Variants in SGCZ observed in about 807,000 individuals in gnomAD.
SGCZ encodes zeta-sarcoglycan.
Under a neutral mutation model 41.3 loss-of-function variants are expected in SGCZ, and 40 were observed. The observed-to-expected ratio is 0.97, with a 90% CI of 0.75 to 1.26. The LOEUF is 1.26. Ranked by LOEUF, SGCZ falls within the 50% of genes most tolerant of loss-of-function variation. The probability of loss-of-function intolerance (pLI) is 0.00; values close to 1 mark genes in which losing one functional copy is unlikely to be tolerated. For missense variants in SGCZ, 552 were observed against 369.8 expected (o/e 1.49, Z -4.04); for synonymous variants, 206 against 137.5 (o/e 1.50, Z -3.49).
chr8:14,445,668 C>T lies in SGCZ; in HGVS notation c.234+109064G>A, dbSNP rs148856627. 2.4e-3 allele frequency among the ~76,000 whole-genome samples: 369 copies of T among 152,270 alleles called. 4 individuals are homozygous for T. The highest frequency in any genetic ancestry group is 8.3e-3 in the African/African-American group (345 of 41,566). On this transcript the variant is annotated intron_variant, in intron 2 of 7. Transcript: ENST00000382080. ...TTGGACATCGAACAAGAGCTCAGGACACATTGACTGTGGGTACCCAAAAAT... is the reference window on the plus strand; with the variant it reads ...TTGGACATCGAACAAGAGCTCAGGATACATTGACTGTGGGTACCCAAAAAT...
intron 1 of SGCZ, among the ~76,000 whole-genome samples, chr8:14,742,983 T>A (rs774353673): frequency 6.6e-6 from 1 of 152,148 alleles, no homozygotes; most frequent in Non-Finnish European, 1.5e-5. Flanking sequence ...GTTTGTACCA[T>A]GAGCATTTAA....
At chr8:14,898,241 T>C (rs140318821) in intron 1 of SGCZ, among the ~76,000 whole-genome samples, 6,183 of 152,196 alleles carry the variant, frequency 0.041, 194 homozygotes, top group Non-Finnish European at 0.062. Flanking sequence ...TGAGCCACCA[T>C]ATGCGGCCAG....
rs116393686 is a variant in SGCZ at position 14,529,770 on chromosome 8, G to A, written c.234+24962C>T. Among the ~76,000 whole-genome samples, 605 of 152,036 alleles carry A rather than the reference G, an allele frequency of 4.0e-3. 1 individual carries two copies. The highest frequency in any genetic ancestry group is 0.013 in the African/African-American group (552 of 41,502). ...ATCTTCCTCCTTAAAATGCTTCTCTGGAGTCCTTGATAAACTCTTTTGACT... is the reference window on the plus strand; with the variant it reads ...ATCTTCCTCCTTAAAATGCTTCTCTAGAGTCCTTGATAAACTCTTTTGACT... On this transcript the variant is annotated intron_variant, in intron 2 of 7. Transcript: ENST00000382080.
intron 3 of SGCZ, among the ~76,000 whole-genome samples, chr8:14,321,405 G>C (rs1008076759): frequency 6.6e-6 from 1 of 152,040 alleles, no homozygotes; most frequent in African/African-American, 2.4e-5. Context: ...GGTGAGAGGA[G>C]CTTGTAAAGT....
intron 2 of SGCZ, among the ~76,000 whole-genome samples, chr8:14,477,613 T>C (rs778273590): frequency 2.0e-5 from 3 of 152,182 alleles, no homozygotes. Flanking sequence ...AAAAGGTTAA[T>C]AAATGGCTCT....
intron 2 of SGCZ, among the ~76,000 whole-genome samples, chr8:14,549,059 A>C (rs1406184186): frequency 6.6e-6 from 1 of 152,020 alleles, no homozygotes; most frequent in East Asian, 1.9e-4. Context: ...TTTACCAGTT[A>C]ATTGCCGGCC....
At chr8:14,746,107 A>C (rs1380575962) in intron 1 of SGCZ, among the ~76,000 whole-genome samples, 5 of 152,034 alleles carry the variant, frequency 3.3e-5, no homozygotes, top group African/African-American at 1.2e-4. Flanking sequence ...ATAAATATCG[A>C]TCTATAAATA....
intron 5 of SGCZ, among the ~76,000 whole-genome samples, chr8:14,129,797 A>G (rs565097071): frequency 6.6e-6 from 1 of 152,300 alleles, no homozygotes; most frequent in South Asian, 2.1e-4. Context: ...TTAACAGCCA[A>G]ACCACTGAAA....
At chr8:15,054,830 C>T (rs375595238) in intron 1 of SGCZ, among the ~76,000 whole-genome samples, 21 of 151,682 alleles carry the variant, frequency 1.4e-4, no homozygotes, top group South Asian at 1.3e-3. Context: ...GGCATTCTGG[C>T]GGGCACCTGT....
chr8:14,351,240 A>G (rs1803079925), intron 2 of SGCZ, among the ~76,000 whole-genome samples: 1 of 152,092 alleles, frequency 6.6e-6, no homozygotes, highest in African/African-American at 2.4e-5. Flanking sequence ...GTTATTTCCT[A>G]GTTAAACTTA....
intron 1 of SGCZ, among the ~76,000 whole-genome samples, chr8:14,967,111 G>C (rs983758936): frequency 1.3e-5 from 2 of 152,130 alleles, no homozygotes; most frequent in African/African-American, 4.8e-5. Flanking sequence ...AGTAGAATAA[G>C]TAAACTGTAA....
intron 1 of SGCZ, among the ~76,000 whole-genome samples, chr8:14,575,134 G>A (rs1234484926): frequency 5.3e-5 from 8 of 152,160 alleles, no homozygotes; most frequent in Non-Finnish European, 1.2e-4. Flanking sequence ...GTGTTCATTA[G>A]TGAAGACTGG....
intron 1 of SGCZ, among the ~76,000 whole-genome samples, chr8:14,725,096 G>A (rs1828389): frequency 0.73 from 110,802 of 152,020 alleles, 40,483 homozygotes; most frequent in Admixed American, 0.78. Context: ...AGAACACACA[G>A]TATTTGTCTT....
chr8:14,281,714 A>G (rs1454200492), intron 3 of SGCZ, among the ~76,000 whole-genome samples: 3 of 152,056 alleles, frequency 2.0e-5, no homozygotes, highest in Admixed American at 6.6e-5. Context: ...ATCTGAGAGA[A>G]CAACAAGGAA....
chr8:14,095,816 C>G (rs1801826171), intron 7 of SGCZ, among the ~76,000 whole-genome samples: 1 of 152,110 alleles, frequency 6.6e-6, no homozygotes. Context: ...AGAGGTGCTT[C>G]ACATCCCTTG....
At chr8:14,633,198 C>A (rs1806715794) in intron 1 of SGCZ, among the ~76,000 whole-genome samples, 1 of 151,956 alleles carries the variant, frequency 6.6e-6, no homozygotes, top group Non-Finnish European at 1.5e-5. Context: ...CATAATTCAT[C>A]TGGCATTATT....
At chr8:14,612,810 C>A (rs1210929226) in intron 1 of SGCZ, among the ~76,000 whole-genome samples, 4 of 152,102 alleles carry the variant, frequency 2.6e-5, no homozygotes, top group African/African-American at 9.7e-5. Flanking sequence ...CCTCACTGCT[C>A]AAGTTGCTGG....
At chr8:14,420,259 T>C (rs560416854) in intron 2 of SGCZ, among the ~76,000 whole-genome samples, 5 of 152,110 alleles carry the variant, frequency 3.3e-5, no homozygotes, top group East Asian at 3.9e-4. Flanking sequence ...AGAAGACTAA[T>C]AGAAACAAAA....
intron 1 of SGCZ, among the ~76,000 whole-genome samples, chr8:14,680,964 G>GAAAAAAGAGGGAAA (rs1808424573): frequency 8.5e-6 from 1 of 117,938 alleles, no homozygotes; most frequent in Non-Finnish European, 1.7e-5. Flanking sequence ...AAAAGAGTGG[G>GAAAAAAGAGGGAAA]AAAAAAAAAA....
Sources: gnomAD v4.1 joint callset for allele counts (sites outside exome capture counted in the v4.1 genomes callset) on GRCh38, gnomAD v4.1.1 for gene constraint, MANE v1.5 for transcripts, NCBI Gene and HGNC (gene_info 2026-07-23, HGNC 2026-07-21) for gene names.